The following CD44 variants were observed in gnomAD, a reference collection of about 807,000 sequenced individuals.
The protein encoded by CD44 is CD44 antigen.
A neutral mutation model predicts 88.8 loss-of-function variants in CD44; 49 were observed. The observed-to-expected ratio is 0.55, with a 90% CI of 0.44 to 0.70. The LOEUF is 0.70. Among genes scored for constraint, CD44 ranks in the 30% least tolerant of loss-of-function variants. CD44 has a pLI of 0.00. For missense variants in CD44, 883 were observed against 913.8 expected (o/e 0.97, Z 0.43); for synonymous variants, 325 against 312.3 (o/e 1.04, Z -0.43).
chr11:35,187,387 T>C (rs537412346), intron 4 of CD44, among the ~76,000 whole-genome samples: 1 of 152,346 alleles, frequency 6.6e-6, no homozygotes, highest in South Asian at 2.1e-4. Flanking sequence ...TGCTCTCTGG[T>C]TTACACTCAT....
chr11:35,189,531 A>C (rs1461095201), intron 4 of CD44, among the ~76,000 whole-genome samples: 1 of 152,210 alleles, frequency 6.6e-6, no homozygotes, highest in East Asian at 1.9e-4. Flanking sequence ...GTATCACATA[A>C]TCCCCATTTT....
intron 9 of CD44, among the ~76,000 whole-genome samples, chr11:35,202,557 A>G (rs887591997): frequency 6.6e-6 from 1 of 152,280 alleles, no homozygotes; most frequent in Middle Eastern, 3.4e-3. Context: ...GCTTTTTAGC[A>G]TTTTTAAAAT....
intron 3 of CD44, among the ~76,000 whole-genome samples, chr11:35,181,259 G>T (rs1244824250): frequency 6.6e-6 from 1 of 152,144 alleles, no homozygotes; most frequent in East Asian, 1.9e-4. Context: ...CAGAGAAGAA[G>T]AAACCTAAGT....
chr11:35,145,565 T>G (rs1858968485), intron 1 of CD44, among the ~76,000 whole-genome samples: 1 of 151,606 alleles, frequency 6.6e-6, no homozygotes, highest in Non-Finnish European at 1.5e-5. Flanking sequence ...ATAGTTGGGC[T>G]GAGAAGGGAG....
At chr11:35,151,776 A>G (rs994094242) in intron 1 of CD44, among the ~76,000 whole-genome samples, 2 of 152,212 alleles carry the variant, frequency 1.3e-5, no homozygotes, top group Non-Finnish European at 2.9e-5. Flanking sequence ...TATAGACTCT[A>G]TCTCCTTCTA....
At chr11:35,180,967 C>G (rs1395965339) in intron 3 of CD44, among the ~76,000 whole-genome samples, 3 of 152,300 alleles carry the variant, frequency 2.0e-5, no homozygotes, top group Admixed American at 1.3e-4. Flanking sequence ...GCCTCCTGGA[C>G]TGTTCTGAGA....
intron 3 of CD44, 85 bp downstream of exon 3, chr11:35,180,492 GC>G: frequency 6.9e-7 from 1 of 1,438,950 alleles, no homozygotes; most frequent in Non-Finnish European, 9.7e-7. Context: ...GATTCATGTA[GC>G]CTCCATTTAC....
At chr11:35,180,950 G>A (rs149836493) in intron 3 of CD44, among the ~76,000 whole-genome samples, 2 of 152,250 alleles carry the variant, frequency 1.3e-5, no homozygotes, top group East Asian at 1.9e-4. Context: ...AGGTGGTCAG[G>A]GAAAGTGCCT....
chr11:35,189,498 G>C (rs1018845704), intron 4 of CD44, among the ~76,000 whole-genome samples: 6 of 152,220 alleles, frequency 3.9e-5, no homozygotes, highest in African/African-American at 1.4e-4. Context: ...TTTGAATACT[G>C]TGCTGAGCAC....
intron 14 of CD44, among the ~76,000 whole-genome samples, chr11:35,213,223 TCA>T (rs1948550354): frequency 6.6e-6 from 1 of 152,222 alleles, no homozygotes; most frequent in Non-Finnish European, 1.5e-5. Flanking sequence ...AGACTGATAT[TCA>T]CAGACACTGA....
intron 5 of CD44, among the ~76,000 whole-genome samples, chr11:35,190,939 C>A (rs1192440528): frequency 6.6e-6 from 1 of 152,216 alleles, no homozygotes; most frequent in Non-Finnish European, 1.5e-5. Flanking sequence ...TTCAGCTCCA[C>A]TGGAAAGTGT....
At chr11:35,194,403 A>G (rs186984926) in intron 5 of CD44, among the ~76,000 whole-genome samples, 241 of 152,354 alleles carry the variant, frequency 1.6e-3, no homozygotes, top group African/African-American at 5.6e-3. Context: ...ACTAAGTGAT[A>G]CTTTCATAAT....
chr11:35,206,049 C>A, intron 10 of CD44, 63 bp from the exon 11 acceptor site: 1 of 1,487,560 alleles, frequency 6.7e-7, no homozygotes, highest in Non-Finnish European at 8.9e-7. Context: ...AAAATAAAAT[C>A]GGTGTATCCC....
At chr11:35,212,889 T>A (rs1488244606) in intron 14 of CD44, 1 of 152,518 alleles carries the variant, frequency 6.6e-6, no homozygotes, top group African/African-American at 2.4e-5. Context: ...AGTGGCGCGA[T>A]CTCGGCTCAC....
At chr11:35,142,064 A>G (rs1858086461) in intron 1 of CD44, among the ~76,000 whole-genome samples, 1 of 152,152 alleles carries the variant, frequency 6.6e-6, no homozygotes, top group African/African-American at 2.4e-5. Flanking sequence ...GAGTTGGGGA[A>G]CAGATATCTT....
In CD44 at chr11:35,232,171, T is replaced by C. The variant is rs1456809410; in HGVS notation, c.*2838T>C. 2.0e-5 allele frequency: 3 copies of C among 152,650 alleles called. No individual in the cohort carries two copies. Among genetic ancestry groups the C allele is most frequent in the African/African-American group, 7.2e-5 (3 of 41,468 alleles). The allele number at this position is 152,650 out of a possible 1,614,324, so 9.5% of individuals were successfully genotyped here. A position where few individuals can be genotyped will look rare whatever the true frequency, so the allele number is the denominator to read the frequency against. ...CCTTTATGTTATAGATATGTCTTTG[T>C]GTAAATCATTTGTTTTGAGTTTTCA... On this transcript the variant is annotated 3_prime_UTR_variant, in exon 18 of 18. Coordinates refer to ENST00000428726, the MANE Select transcript of CD44 (RefSeq NM_000610.4).
At chr11:35,185,937 G>A (rs12278428) in intron 3 of CD44, among the ~76,000 whole-genome samples, 23,220 of 152,196 alleles carry the variant, frequency 0.15, 1,748 homozygotes, top group South Asian at 0.23. Context: ...TTGAGACAGT[G>A]CTGCTCAGAG....
At chr11:35,184,747 T>A (rs115957259) in intron 3 of CD44, among the ~76,000 whole-genome samples, 2,101 of 152,294 alleles carry the variant, frequency 0.014, 63 homozygotes, top group African/African-American at 0.048. Context: ...GAGTAGATGC[T>A]TAAAAATAAT....
intron 2 of CD44, among the ~76,000 whole-genome samples, chr11:35,177,287 C>G (rs1444474648): frequency 6.6e-6 from 1 of 152,026 alleles, no homozygotes; most frequent in East Asian, 1.9e-4. Context: ...TTTTTGGGAG[C>G]CCTGAGAGGG....
Sources: allele counts gnomAD v4.1 joint callset (sites outside exome capture counted in the v4.1 genomes callset), GRCh38; gene constraint gnomAD v4.1.1; transcripts MANE v1.5; gene names NCBI Gene and HGNC (gene_info 2026-07-23, HGNC 2026-07-21).